APTX: variants seen among roughly 807,000 people sequenced by gnomAD.
APTX encodes forkhead-associated domain histidine triad-like protein.
Under a neutral mutation model 42.3 loss-of-function variants are expected in APTX, and 33 were observed. The observed-to-expected ratio is 0.78, with a 90% CI of 0.59 to 1.04. The LOEUF (loss-of-function observed/expected upper bound fraction) is 1.04, where lower values mean the gene tolerates loss of function less well. Ranked by LOEUF, APTX falls within the 50% of genes least tolerant of loss-of-function variation. The probability of loss-of-function intolerance (pLI) is 0.00; values close to 1 mark genes in which losing one functional copy is unlikely to be tolerated. For synonymous variants in APTX, 130 were observed against 146.7 expected (o/e 0.89, Z 0.82); for missense variants, 421 against 415.1 (o/e 1.01, Z -0.12).
chr9:33,000,194 A>G (rs893913452), intron 1 of APTX, among the ~76,000 whole-genome samples: 1 of 152,162 alleles, frequency 6.6e-6, no homozygotes, highest in Non-Finnish European at 1.5e-5. Flanking sequence ...GCTCTACACC[A>G]TGGGGTTGTC....
upstream of APTX, among the ~76,000 whole-genome samples, chr9:33,005,368 T>C (rs1032632491): frequency 1.3e-5 from 2 of 152,212 alleles, no homozygotes; most frequent in South Asian, 2.1e-4. Context: ...AAGAGTTTTA[T>C]AGTTTTAGGT....
At chr9:33,000,306 T>A (rs1388474408) in intron 1 of APTX, among the ~76,000 whole-genome samples, 7 of 152,120 alleles carry the variant, frequency 4.6e-5, no homozygotes, top group African/African-American at 7.2e-5. Context: ...AAGCAGGAGC[T>A]GTGGACATAT....
chr9:33,024,866 G>C (rs397840451), intron 1 of APTX: 3 of 86,914 alleles, frequency 3.5e-5, no homozygotes, highest in African/African-American at 1.2e-4. Context: ...GTAAGAGGGG[G>C]GGGGGGGGGG....
At chr9:33,012,360 C>G (rs1837600533) in intron 1 of APTX, among the ~76,000 whole-genome samples, 1 of 152,058 alleles carries the variant, frequency 6.6e-6, no homozygotes, top group African/African-American at 2.4e-5. Context: ...TAGCCAATTA[C>G]TTTAGTAGAC....
intron 1 of APTX, among the ~76,000 whole-genome samples, chr9:33,017,259 G>C (rs1436532422): frequency 6.6e-6 from 1 of 152,224 alleles, no homozygotes; most frequent in African/African-American, 2.4e-5. Flanking sequence ...ACTTCTGATA[G>C]ACTGGCTATG....
intron 2 of APTX, chr9:32,989,493 G>A (rs1314477838): frequency 3.4e-6 from 2 of 591,930 alleles, no homozygotes; most frequent in Non-Finnish European, 3.1e-6. Context: ...GGGGAAAGGA[G>A]GGCAGGACTC....
intron 2 of APTX, among the ~76,000 whole-genome samples, chr9:32,988,507 C>T (rs746310321): frequency 1.3e-5 from 2 of 151,566 alleles, no homozygotes; most frequent in Non-Finnish European, 2.9e-5. Flanking sequence ...GGCAATACCC[C>T]GTCTCTACAA....
intron 6 of APTX, among the ~76,000 whole-genome samples, chr9:32,977,156 A>G (rs1377811462): frequency 7.9e-5 from 12 of 152,226 alleles, no homozygotes; most frequent in African/African-American, 1.9e-4. Context: ...ATAAAAATAA[A>G]TTACCAGAAT....
At position 32,989,884 on chromosome 9, in the gene APTX, C is replaced by T. The variant is rs746257545; in HGVS notation, c.8G>A (p.Arg3Gln). 4.5e-5 allele frequency: 73 copies of T among 1,613,882 alleles called. No individual in the cohort carries two copies. Among genetic ancestry groups the T allele is most frequent in the Middle Eastern group, 1.7e-4 (1 of 6,030 alleles). Residue 3 changes from arginine (R) to glutamine (Q), a missense_variant, in exon 2 of 8, where the codon CGG becomes CAG. Arg to Gln is a conservative substitution (Grantham distance 43, BLOSUM62 1). Transcript: ENST00000379817. The part of the protein sequence containing the change: MM[R>Q]VCWLVRQDSR... ...GTCCTGTCTCACCAACCAGCACACC[C>T]GCATCATCACTCTAAGGGACAAAAC...
chr9:32,984,661 C>T lies in APTX; in HGVS notation c.740G>A (p.Arg247Gln), dbSNP rs142133683. The change falls in exon 6 of 8, where the codon CGA becomes CAA. Residue 247 changes from arginine to glutamine, a missense_variant. Transcript: ENST00000379817. ...DFAGSSKLRF[R>Q]LGYHAIPSMS... ...ACTCGGAATGGCGTGGTAGCCCAAT[C>T]GGAAGCGGAGTTTGCTGGACCCAGC... The T allele has an allele frequency of 4.8e-5, 78 of 1,614,064 alleles. 1 individual carries two copies. In the Middle Eastern group the frequency reaches 4.9e-4, roughly 10 times the overall value.
chr9:32,993,506 G>A (rs568151817), intron 1 of APTX, among the ~76,000 whole-genome samples: 25 of 152,160 alleles, frequency 1.6e-4, no homozygotes, highest in South Asian at 2.1e-4. Flanking sequence ...GGCATACAGC[G>A]GGCATACAAT....
upstream of APTX, among the ~76,000 whole-genome samples, chr9:33,005,568 C>G (rs532967622): frequency 6.1e-4 from 93 of 151,712 alleles, no homozygotes; most frequent in Non-Finnish European, 1.1e-3. Flanking sequence ...TCCCAAGTAG[C>G]TGGGACTACA....
At chr9:33,001,426 G>A (rs1209409659) in intron 1 of APTX, 141 bp downstream of exon 1, 3 of 1,544,566 alleles carry the variant, frequency 1.9e-6, no homozygotes, top group Non-Finnish European at 8.7e-7. Flanking sequence ...AGGGGAGGAC[G>A]GAGAAAGCAG....
At chr9:33,019,600 G>A (rs1187782976) in intron 1 of APTX, 5 of 375,108 alleles carry the variant, frequency 1.3e-5, no homozygotes, top group South Asian at 1.4e-4. Context: ...AGGCCCTCCC[G>A]GGAAAGTAGC....
intron 1 of APTX, among the ~76,000 whole-genome samples, chr9:33,000,648 G>GAAAA (rs1563990383): frequency 6.3e-5 from 6 of 95,508 alleles, no homozygotes; most frequent in Admixed American, 9.7e-5. Context: ...AAAAAAAAAA[G>GAAAA]AAAAGAAAAG....
chr9:32,989,965 G>A (rs1833170520), intron 1 of APTX, 70 bp from the exon 2 acceptor site: 12 of 1,553,602 alleles, frequency 7.7e-6, no homozygotes, highest in East Asian at 4.8e-5. Flanking sequence ...GGCCACACCC[G>A]GTGCCACCAC....
At chr9:32,990,241 C>T (rs556458723) in intron 1 of APTX, among the ~76,000 whole-genome samples, 2 of 152,148 alleles carry the variant, frequency 1.3e-5, no homozygotes, top group Non-Finnish European at 2.9e-5. Flanking sequence ...GGCACAATCT[C>T]GGCTCACGGC....
intron 6 of APTX, among the ~76,000 whole-genome samples, chr9:32,982,690 A>G (rs1830952535): frequency 6.6e-6 from 1 of 152,242 alleles, no homozygotes; most frequent in South Asian, 2.1e-4. Flanking sequence ...TGCTGTGAGC[A>G]TTCTCCTTAG....
chr9:32,982,004 A>C (rs1830782841), intron 6 of APTX, among the ~76,000 whole-genome samples: 1 of 152,082 alleles, frequency 6.6e-6, no homozygotes, highest in Non-Finnish European at 1.5e-5. Flanking sequence ...TAAAAAAAAA[A>C]AAACAGTAAT....
Sources: gnomAD v4.1 joint callset for allele counts (sites outside exome capture counted in the v4.1 genomes callset) on GRCh38, gnomAD v4.1.1 for gene constraint, MANE v1.5 for transcripts, NCBI Gene and HGNC (gene_info 2026-07-23, HGNC 2026-07-21) for gene names.